Variants in RUNX1T1 observed in about 807,000 individuals in gnomAD.
The protein encoded by RUNX1T1 is RUNX1 partner transcriptional co-repressor 1, also known as protein CBFA2T1.
Under a neutral mutation model 62.8 loss-of-function variants are expected in RUNX1T1, and 4 were observed. The ratio of observed to expected loss-of-function variants is 0.06; its 90% confidence interval spans 0.03 to 0.15. The LOEUF (loss-of-function observed/expected upper bound fraction) is 0.15. Ranked by LOEUF, RUNX1T1 falls within the 10% of genes least tolerant of loss-of-function variation. RUNX1T1 has a pLI of 1.00. For synonymous variants in RUNX1T1, 291 were observed against 286.0 expected, an observed-to-expected ratio of 1.02 and a Z score of -0.18; for missense variants, 508 against 754.3, an observed-to-expected ratio of 0.67 and a Z score of 3.82.
At chr8:91,987,587 A>C (rs1168235457) in intron 6 of RUNX1T1, among the ~76,000 whole-genome samples, 3 of 152,202 alleles carry the variant, frequency 2.0e-5, no homozygotes, top group Non-Finnish European at 2.9e-5. Context: ...CTTCAAAAAA[A>C]AATTAATATA....
intron 10 of RUNX1T1, among the ~76,000 whole-genome samples, chr8:91,960,915 A>G (rs1810302530): frequency 6.6e-6 from 1 of 152,226 alleles, no homozygotes; most frequent in Non-Finnish European, 1.5e-5. Flanking sequence ...TCTGAGCAGA[A>G]GCTTCTTCCT....
intron 1 of RUNX1T1, chr8:92,095,669 G>T: frequency 2.9e-6 from 3 of 1,032,316 alleles, no homozygotes; most frequent in Non-Finnish European, 3.9e-6. Context: ...AGAGACACAG[G>T]CAGGAGGGAA....
intron 1 of RUNX1T1, among the ~76,000 whole-genome samples, chr8:92,019,403 A>C (rs1823649329): frequency 6.6e-6 from 1 of 152,110 alleles, no homozygotes; most frequent in Non-Finnish European, 1.5e-5. Flanking sequence ...GCACAGACAG[A>C]GAAAGGAAGA....
intron 1 of RUNX1T1, among the ~76,000 whole-genome samples, chr8:92,087,969 C>A (rs187344750): frequency 3.1e-4 from 47 of 152,304 alleles, no homozygotes; most frequent in Non-Finnish European, 5.9e-5. Flanking sequence ...AACTGACCTA[C>A]CTACCTTTAT....
At chr8:92,005,985 T>TACACACACACAC (rs139289273) in intron 4 of RUNX1T1, 20,001 of 145,530 alleles carry the variant, frequency 0.14, 1,463 homozygotes, top group Non-Finnish European at 0.18. Context: ...AAGGAATGAA[T>TACACACACACAC]ACACACACAC....
At chr8:92,031,803 G>A (rs963313208) in intron 1 of RUNX1T1, among the ~76,000 whole-genome samples, 17 of 151,916 alleles carry the variant, frequency 1.1e-4, no homozygotes, top group African/African-American at 3.9e-4. Context: ...AAGGCCGGGC[G>A]TTTATTTAAA....
chr8:91,996,346 C>T lies in RUNX1T1; in HGVS notation c.660-4457G>A, dbSNP rs1367929039. The stretch of plus-strand genomic sequence containing the variant: ...CCTCCTGAGTAGCTGGGACTACAGG[C>T]GCCCGCCACCACGCCTGGCTAACTT... On this transcript the variant is annotated intron_variant, in intron 5 of 10. Transcript: ENST00000396218. 6.6e-5 allele frequency among the ~76,000 whole-genome samples: 10 copies of T among 152,090 alleles called. No homozygotes were observed. In the East Asian group the frequency reaches 9.7e-4, roughly 15 times the overall value.
intron 10 of RUNX1T1, among the ~76,000 whole-genome samples, chr8:91,962,907 G>T (rs991121362): frequency 6.6e-6 from 1 of 152,186 alleles, no homozygotes; most frequent in Non-Finnish European, 1.5e-5. Flanking sequence ...CAGACACAGG[G>T]TGGTAACTGT....
At chr8:92,069,131 CTATT>C (rs1833302786) in intron 2 of RUNX1T1, among the ~76,000 whole-genome samples, 1 of 145,400 alleles carries the variant, frequency 6.9e-6, no homozygotes, top group African/African-American at 2.4e-5. Context: ...TATTTATTCC[CTATT>C]TTTTTATTTT....
At chr8:92,021,577 G>A (rs1336453257) in intron 1 of RUNX1T1, among the ~76,000 whole-genome samples, 2 of 152,084 alleles carry the variant, frequency 1.3e-5, no homozygotes, top group African/African-American at 4.8e-5. Context: ...AAGGCAGACT[G>A]GCTTCAAATG....
intron 1 of RUNX1T1, among the ~76,000 whole-genome samples, chr8:92,022,646 T>C (rs928227409): frequency 6.6e-6 from 1 of 152,116 alleles, no homozygotes; most frequent in African/African-American, 2.4e-5. Context: ...ACCAGGCCCT[T>C]ACCCAACCTG....
intron 1 of RUNX1T1, among the ~76,000 whole-genome samples, chr8:92,040,911 G>A (rs1236636957): frequency 6.6e-6 from 1 of 151,966 alleles, no homozygotes; most frequent in East Asian, 1.9e-4. Flanking sequence ...GTCTTACTCT[G>A]TTGCCCAGGC....
rs527535809 is a variant in RUNX1T1, at chr8:91,991,747, G to T, written c.802C>A (p.Pro268Thr). 3 of 1,614,114 alleles carry T rather than the reference G, an allele frequency of 1.9e-6. No homozygotes were observed. The South Asian group carries it at 3.3e-5, about 18-fold the overall frequency. ...TCCAAACGGTAATGCTGAGGTGGAG[G>T]TGGGGTAGGGTGAGGCAGGCCATTG... The change falls in exon 6 of 11, where the codon CCT becomes ACT. Residue 268 changes from proline (P) to threonine (T), a missense_variant. Physicochemically the swap from Pro to Thr is conservative, Grantham distance 38 (BLOSUM62 -1). Coordinates refer to ENST00000396218, the Ensembl canonical transcript of RUNX1T1.
At chr8:92,067,895 T>A (rs938144390), upstream of RUNX1T1, among the ~76,000 whole-genome samples, 4 of 152,238 alleles carry the variant, frequency 2.6e-5, no homozygotes, top group Admixed American at 6.5e-5. Flanking sequence ...TCTAATATTT[T>A]AAAATTTTTT....
At chr8:92,095,684 G>A in intron 1 of RUNX1T1, 1 of 882,682 alleles carries the variant, frequency 1.1e-6, no homozygotes, top group South Asian at 2.6e-5. Flanking sequence ...AGGGAAGGAG[G>A]GATGGAGGAG....
chr8:92,009,222 T>C (rs1371437696), intron 4 of RUNX1T1, among the ~76,000 whole-genome samples: 1 of 152,204 alleles, frequency 6.6e-6, no homozygotes, highest in Admixed American at 6.5e-5. Context: ...ATTAGGTAAT[T>C]AGAATGGTGT....
At chr8:91,987,370 T>A (rs971261590) in intron 6 of RUNX1T1, among the ~76,000 whole-genome samples, 2 of 152,140 alleles carry the variant, frequency 1.3e-5, no homozygotes, top group African/African-American at 4.8e-5. Flanking sequence ...AAAGACAGCA[T>A]AAGTCATTTT....
intron 5 of RUNX1T1, among the ~76,000 whole-genome samples, chr8:91,993,327 A>G (rs117123838): frequency 0.02 from 3,001 of 152,234 alleles, 50 homozygotes; most frequent in Middle Eastern, 0.044. Flanking sequence ...TGGGCGCCCC[A>G]GTGACAATTC....
intron 1 of RUNX1T1, among the ~76,000 whole-genome samples, chr8:92,052,487 T>C (rs1244790805): frequency 6.6e-6 from 1 of 152,180 alleles, no homozygotes; most frequent in Non-Finnish European, 1.5e-5. Flanking sequence ...CATATTTCTC[T>C]ACACAAGTCC....
Sources: allele counts gnomAD v4.1 joint callset (sites outside exome capture counted in the v4.1 genomes callset), GRCh38; gene constraint gnomAD v4.1.1; transcripts MANE v1.5; gene names NCBI Gene and HGNC (gene_info 2026-07-23, HGNC 2026-07-21).